The following GALNT13 variants were observed in gnomAD, a reference collection of about 807,000 sequenced individuals.
GALNT13 encodes the protein UDP-GalNAc:polypeptide N-acetylgalactosaminyltransferase 13.
GALNT13 carries 28 observed loss-of-function variants against 64.2 expected under a neutral mutation model. The ratio of observed to expected loss-of-function variants is 0.44; its 90% CI spans 0.32 to 0.60. The LOEUF (loss-of-function observed/expected upper bound fraction) is 0.60, where lower values mean the gene tolerates loss of function less well. Among genes scored for constraint, GALNT13 ranks in the 20% least tolerant of loss-of-function variants. The pLI, the probability that GALNT13 is intolerant of heterozygous loss-of-function variation, is 0.05. For synonymous variants in GALNT13, 214 were observed against 224.6 expected, an observed-to-expected ratio of 0.95 and a Z score of 0.42; for missense variants, 577 against 669.8, an observed-to-expected ratio of 0.86 and a Z score of 1.53.
At chr2:153,556,253 A>C in the GALNT13 span, among the ~76,000 whole-genome samples, 1 of 152,202 alleles carries the variant, frequency 6.6e-6, no homozygotes, top group Non-Finnish European at 1.5e-5. Flanking sequence ...GCTATTTTAA[A>C]AGAAAAAAAA....
intron 9 of GALNT13, among the ~76,000 whole-genome samples, chr2:154,330,698 A>T (rs1695121419): frequency 6.6e-6 from 1 of 152,092 alleles, no homozygotes; most frequent in South Asian, 2.1e-4. Context: ...TTTCACTCAG[A>T]CCACGCTACA....
At chr2:154,328,342 A>G (rs894123911) in intron 9 of GALNT13, among the ~76,000 whole-genome samples, 4 of 152,048 alleles carry the variant, frequency 2.6e-5, no homozygotes, top group African/African-American at 9.7e-5. Context: ...TTTGCTCAAC[A>G]TTGTTTTTGA....
At chr2:153,552,647 G>T in the GALNT13 span, among the ~76,000 whole-genome samples, 1 of 149,676 alleles carries the variant, frequency 6.7e-6, no homozygotes, top group Non-Finnish European at 1.5e-5. Flanking sequence ...TAGGAAAATG[G>T]GAAGGATGTG....
chr2:153,534,539 T>G, the GALNT13 span, among the ~76,000 whole-genome samples: 1 of 151,178 alleles, frequency 6.6e-6, no homozygotes, highest in Non-Finnish European at 1.5e-5. Context: ...TTTTTTTTTT[T>G]TGTGAGCAAC....
At chr2:153,378,251 A>G in the GALNT13 span, among the ~76,000 whole-genome samples, 941 of 145,550 alleles carry the variant, frequency 6.5e-3, 12 homozygotes, top group African/African-American at 0.023. Context: ...AGGGTTTAGA[A>G]CATTATAGAT....
At chr2:153,211,946 A>G in the GALNT13 span, among the ~76,000 whole-genome samples, 3 of 152,208 alleles carry the variant, frequency 2.0e-5, no homozygotes, top group Non-Finnish European at 4.4e-5. Flanking sequence ...GCTCAAAAAC[A>G]TGATTCCCCT....
the GALNT13 span, among the ~76,000 whole-genome samples, chr2:153,635,619 A>T: frequency 6.6e-6 from 1 of 152,052 alleles, no homozygotes; most frequent in African/African-American, 2.4e-5. Flanking sequence ...AATTCTGCAG[A>T]GTTGAAGAGG....
At chr2:154,415,048 C>A (rs555742323) in intron 11 of GALNT13, among the ~76,000 whole-genome samples, 1 of 151,236 alleles carries the variant, frequency 6.6e-6, no homozygotes, top group African/African-American at 2.4e-5. Flanking sequence ...ATCTGTAGTA[C>A]CATCTATTCA....
At chr2:153,220,265 G>C in the GALNT13 span, among the ~76,000 whole-genome samples, 1 of 152,198 alleles carries the variant, frequency 6.6e-6, no homozygotes, top group Non-Finnish European at 1.5e-5. Context: ...TTGTCACATT[G>C]TGTGACACTC....
the GALNT13 span, among the ~76,000 whole-genome samples, chr2:153,597,271 C>T: frequency 6.6e-6 from 1 of 152,066 alleles, no homozygotes; most frequent in African/African-American, 2.4e-5. Context: ...CACTTCTAAG[C>T]GTAGGGCTCA....
At chr2:154,427,035 A>C (rs1365094527) in intron 11 of GALNT13, among the ~76,000 whole-genome samples, 1 of 152,226 alleles carries the variant, frequency 6.6e-6, no homozygotes, top group African/African-American at 2.4e-5. Context: ...GATAGAATAT[A>C]ATCAAATGTA....
the GALNT13 span, among the ~76,000 whole-genome samples, chr2:153,090,216 T>C: frequency 2.6e-5 from 4 of 152,142 alleles, no homozygotes; most frequent in Non-Finnish European, 4.4e-5. Flanking sequence ...GGGATTGTTA[T>C]TGCTCTCTTG....
chr2:154,205,992 T>TATG (rs201008067), intron 4 of GALNT13, among the ~76,000 whole-genome samples: 2 of 151,482 alleles, frequency 1.3e-5, no homozygotes, highest in Non-Finnish European at 2.9e-5. Flanking sequence ...ATTTTCCTTT[T>TATG]ATTATTATTA....
At chr2:153,773,438 C>CA in the GALNT13 span, among the ~76,000 whole-genome samples, 1 of 152,296 alleles carries the variant, frequency 6.6e-6, no homozygotes, top group Admixed American at 6.5e-5. Flanking sequence ...CCAAGTCAGT[C>CA]ACTTGCCACT....
intron 3 of GALNT13, among the ~76,000 whole-genome samples, chr2:154,131,474 A>G (rs1682613067): frequency 6.6e-6 from 1 of 152,174 alleles, no homozygotes. Context: ...GTATTCCTTT[A>G]TAGGTGCTCC....
chr2:154,317,209 CAA>C (rs10711591), intron 9 of GALNT13, among the ~76,000 whole-genome samples: 35 of 103,328 alleles, frequency 3.4e-4, no homozygotes, highest in South Asian at 1.2e-3. Flanking sequence ...CGAGACATCT[CAA>C]AAAAAAAAAA....
chr2:153,375,652 A>C, the GALNT13 span, among the ~76,000 whole-genome samples: 1 of 152,140 alleles, frequency 6.6e-6, no homozygotes, highest in African/African-American at 2.4e-5. Context: ...AGCAGTTTAA[A>C]ATTTTCTGAT....
At chr2:153,908,158 G>T (rs1385646301) in intron 2 of GALNT13, among the ~76,000 whole-genome samples, 2 of 152,064 alleles carry the variant, frequency 1.3e-5, no homozygotes, top group Admixed American at 1.3e-4. Flanking sequence ...CTAATGATCA[G>T]TGATAGTGAG....
the GALNT13 span, among the ~76,000 whole-genome samples, chr2:153,407,620 C>G: frequency 6.6e-6 from 1 of 152,196 alleles, no homozygotes; most frequent in Non-Finnish European, 1.5e-5. Flanking sequence ...CTCACCCGAG[C>G]TGCATCACTG....
Sources: gnomAD v4.1 joint callset for allele counts (sites outside exome capture counted in the v4.1 genomes callset) on GRCh38, gnomAD v4.1.1 for gene constraint, MANE v1.5 for transcripts, NCBI Gene and HGNC (gene_info 2026-07-23, HGNC 2026-07-21) for gene names.